The following WASHC5 variants were observed in gnomAD, a reference collection of about 807,000 sequenced individuals.
The protein encoded by WASHC5 is WASH complex subunit 5.
Under a neutral mutation model 150.4 loss-of-function variants are expected in WASHC5, and 101 were observed. The observed-to-expected ratio is 0.67, with a 90% CI of 0.57 to 0.79. WASHC5 has a LOEUF of 0.79. Among genes scored for constraint, WASHC5 ranks in the 30% least tolerant of loss-of-function variants. The pLI is 0.00. For missense variants in WASHC5, 1,195 were observed against 1,396.3 expected (o/e 0.86, Z 2.30); for synonymous variants, 467 against 491.2 (o/e 0.95, Z 0.65).
At chr8:125,032,660 C>A in intron 26 of WASHC5, 1 of 472,870 alleles carries the variant, frequency 2.1e-6, no homozygotes, top group Non-Finnish European at 3.9e-6. Context: ...ACTCAATTAA[C>A]ATATATTATT....
intron 19 of WASHC5, among the ~76,000 whole-genome samples, chr8:125,048,688 C>T (rs1816149370): frequency 6.6e-6 from 1 of 152,168 alleles, no homozygotes; most frequent in Non-Finnish European, 1.5e-5. Context: ...TAATTCCACT[C>T]CTCAGTATGT....
chr8:125,054,515 C>T (rs1298408888), intron 17 of WASHC5, among the ~76,000 whole-genome samples: 1 of 152,074 alleles, frequency 6.6e-6, no homozygotes, highest in African/African-American at 2.4e-5. Flanking sequence ...GCTTGCATGC[C>T]CCAGTGATGA....
In WASHC5 at chr8:125,083,708, A is replaced by G. The variant is rs1196263471; in HGVS notation, c.186+5T>C. 1 of 1,605,228 alleles carries G rather than the reference A, an allele frequency of 6.2e-7. No individual in the cohort carries two copies. The highest frequency in any genetic ancestry group is 1.1e-5 in the South Asian group (1 of 90,632). ...AACAATAAAAATGCTATAGAGGAAG[A>G]TTACCTTAAAATAGCTGAAATCAAA... On this transcript the variant is annotated splice_donor_5th_base_variant and intron_variant, in intron 2 of 28. Coordinates refer to ENST00000318410, the MANE Select transcript of WASHC5 (RefSeq NM_014846.4).
Position 125,059,295 on chromosome 8 carries a change from A to T in WASHC5, c.1691T>A (p.Phe564Tyr). 1 of 1,614,048 alleles carries T rather than the reference A, an allele frequency of 6.2e-7. No individual in the cohort carries two copies. The highest frequency in any genetic ancestry group is 8.5e-7 in the Non-Finnish European group (1 of 1,179,914). Reference sequence around the variant, plus strand: ...TATGCTTTCTTGCATGATGGATGTGAAACTGTAAAAAGAAAAGAAACGGTA... The same window carrying T: ...TATGCTTTCTTGCATGATGGATGTGTAACTGTAAAAAGAAAAGAAACGGTA... ...LSFAWQLIDS[F>Y]TSIMQESIRV... Residue 564 changes from phenylalanine (F) to tyrosine (Y), a missense_variant and splice_region_variant, in exon 14 of 29, where the codon TTC (phenylalanine) becomes TAC (tyrosine). By Grantham distance (22) the Phe-to-Tyr change is conservative (BLOSUM62 3). Transcript: ENST00000318410.
chr8:125,061,966 T>G (rs1816607566), intron 11 of WASHC5, among the ~76,000 whole-genome samples: 1 of 152,128 alleles, frequency 6.6e-6, no homozygotes, highest in Non-Finnish European at 1.5e-5. Flanking sequence ...TCTGTCCAGG[T>G]TCAAAAACTC....
chr8:125,049,021 G>A lies in WASHC5; in HGVS notation c.2364C>T (p.Asn788=), dbSNP rs780821746. Reference sequence around the variant, plus strand: ...TATTAGATACCTTCGTTCTTAGAAAGTTATTACACTCTTGCTCCACGTTGT... The same window carrying A: ...TATTAGATACCTTCGTTCTTAGAAAATTATTACACTCTTGCTCCACGTTGT... ...INYNVEQECN[N]FLRTKIQDWQ... Residue 788 remains asparagine, a synonymous_variant, in exon 19 of 29, where the codon AAC becomes AAT. Coordinates refer to ENST00000318410, the MANE Select transcript of WASHC5 (RefSeq NM_014846.4). 1.9e-6 allele frequency: 3 copies of A among 1,612,034 alleles called. No individual in the cohort carries two copies. Among genetic ancestry groups the A allele is most frequent in the Non-Finnish European group, 2.5e-6 (3 of 1,178,770 alleles).
At chr8:125,074,142 A>G (rs1447982007) in intron 8 of WASHC5, among the ~76,000 whole-genome samples, 1 of 152,196 alleles carries the variant, frequency 6.6e-6, no homozygotes, top group Non-Finnish European at 1.5e-5. Flanking sequence ...AGTTAGTTGA[A>G]ATCTGTGGTA....
At chr8:125,027,763 T>C (rs113085230) in intron 28 of WASHC5, among the ~76,000 whole-genome samples, 1,948 of 152,324 alleles carry the variant, frequency 0.013, 35 homozygotes, top group African/African-American at 0.045. Flanking sequence ...CAATAACTTA[T>C]GGAAAAATAG....
At chr8:125,083,580 ATTAAG>A in intron 2 of WASHC5, 128 bp downstream of exon 2, 2 of 703,052 alleles carry the variant, frequency 2.8e-6, no homozygotes, top group Non-Finnish European at 4.7e-6. Flanking sequence ...AGTAGCTAAT[ATTAAG>A]TTTAGTCGAA....
At chr8:125,064,801 T>C (rs1420433428) in intron 10 of WASHC5, among the ~76,000 whole-genome samples, 1 of 152,070 alleles carries the variant, frequency 6.6e-6, no homozygotes, top group Non-Finnish European at 1.5e-5. Context: ...AGCAATGGGA[T>C]AGGGAGACTC....
chr8:125,072,604 G>T (rs192886480), intron 9 of WASHC5, among the ~76,000 whole-genome samples: 2 of 152,032 alleles, frequency 1.3e-5, no homozygotes, highest in African/African-American at 4.8e-5. Flanking sequence ...GAACTCCTGG[G>T]CTCAAGCTCT....
chr8:125,042,774 C>CT (rs1412334467), intron 23 of WASHC5, among the ~76,000 whole-genome samples: 1 of 152,094 alleles, frequency 6.6e-6, no homozygotes, highest in Non-Finnish European at 1.5e-5. Context: ...AATCATGAGG[C>CT]TAGGGGAAGG....
At chr8:125,060,485 CA>C (rs58207257) in intron 12 of WASHC5, among the ~76,000 whole-genome samples, 58,725 of 130,036 alleles carry the variant, frequency 0.45, 12,848 homozygotes, top group African/African-American at 0.62. Flanking sequence ...GATTCCGTCT[CA>C]AAAAAAAAAA....
At chr8:125,068,060 C>G (rs747010858) in intron 9 of WASHC5, among the ~76,000 whole-genome samples, 2 of 152,166 alleles carry the variant, frequency 1.3e-5, no homozygotes, top group Non-Finnish European at 2.9e-5. Flanking sequence ...TACTTCATAG[C>G]TGGGTGGCTT....
chr8:125,050,296 G>A (rs1196059592), intron 18 of WASHC5, among the ~76,000 whole-genome samples: 1 of 151,964 alleles, frequency 6.6e-6, no homozygotes, highest in Non-Finnish European at 1.5e-5. Context: ...ATTCTGAAAT[G>A]GGATCAATAG....
At chr8:125,073,052 G>A in intron 9 of WASHC5, 101 bp downstream of exon 9, 1 of 1,240,280 alleles carries the variant, frequency 8.1e-7, no homozygotes, top group Non-Finnish European at 1.2e-6. Context: ...TCTCATCCAA[G>A]GCCTCTCTCC....
At position 125,047,209 on chromosome 8, in the gene WASHC5, T is replaced by C. The variant is rs1586349039; in HGVS notation, c.2502A>G (p.Pro834=). 2.5e-6 allele frequency: 4 copies of C among 1,614,048 alleles called. No individual in the cohort carries two copies. Among genetic ancestry groups the C allele is most frequent in the African/African-American group, 1.3e-5 (1 of 75,046 alleles). ...LCREILRITD[P]KMTCHIDQLN... ...CTGTAGAATTCAGGTACACCTACTT[T>C]GGGTCTGTGATCCGCAGGATTTCTC... The change falls in exon 20 of 29, where the codon CCA becomes CCG. Residue 834 remains proline, a splice_region_variant and synonymous_variant. Transcript: ENST00000318410.
chr8:125,046,430 A>ATAC (rs2130032435), intron 20 of WASHC5, among the ~76,000 whole-genome samples: 1 of 152,352 alleles, frequency 6.6e-6, no homozygotes, highest in Non-Finnish European at 1.5e-5. Flanking sequence ...CTGAACGTAG[A>ATAC]GCCCACATAA....
chr8:125,074,583 T>A (rs989661807), intron 8 of WASHC5, among the ~76,000 whole-genome samples: 5 of 152,190 alleles, frequency 3.3e-5, no homozygotes, highest in African/African-American at 1.2e-4. Flanking sequence ...ACAACACAAA[T>A]GATAAATTTA....
Sources: allele counts gnomAD v4.1 joint callset (sites outside exome capture counted in the v4.1 genomes callset), GRCh38; gene constraint gnomAD v4.1.1; transcripts MANE v1.5; gene names NCBI Gene and HGNC (gene_info 2026-07-23, HGNC 2026-07-21).